The following DNAH2 variants were observed in gnomAD, a reference collection of about 807,000 sequenced individuals.
DNAH2 encodes the protein dynein axonemal heavy chain 2.
Under a neutral mutation model 523.5 loss-of-function variants are expected in DNAH2, and 323 were observed. The ratio of observed to expected loss-of-function variants is 0.62; its 90% CI spans 0.56 to 0.68. DNAH2 has a LOEUF of 0.68. Among genes scored for constraint, DNAH2 ranks in the 30% least tolerant of loss-of-function variants. The pLI, the probability that DNAH2 is intolerant of heterozygous loss-of-function variation, is 0.00. For synonymous variants in DNAH2, 2,093 were observed against 2,177.4 expected (o/e 0.96, Z 1.08); for missense variants, 4,907 against 5,701.5 (o/e 0.86, Z 4.49).
intron 59 of DNAH2, 68 bp from the exon 60 acceptor site, chr17:7,804,890 C>A: frequency 2.2e-6 from 3 of 1,347,618 alleles, no homozygotes; most frequent in Admixed American, 2.1e-5. Flanking sequence ...ATCTTTTCCA[C>A]CAACACCGTC....
chr17:7,764,187 G>T lies in DNAH2; in HGVS notation c.3250G>T (p.Asp1084Tyr). 6.2e-7 allele frequency: 1 copy of T among 1,614,160 alleles called. No homozygotes were observed. Residue 1084 changes from aspartate to tyrosine, a missense_variant, in exon 20 of 86, where the codon GAC becomes TAC. Asp to Tyr is a radical substitution (Grantham distance 160). Around this residue, in one of 3 missense-constraint regions of DNAH2, gnomAD observed 2,806 missense variants for 3,190.8 expected, o/e 0.88. Coordinates refer to ENST00000572933, the MANE Select transcript of DNAH2 (RefSeq NM_020877.5). ...SLQLVDALKH[D>Y]LANVETQIPP... ...GCAGCTCGTGGATGCCCTGAAGCAC[G>T]ACTTGGCCAACGTGGAGACTCAGAT... is the stretch of plus-strand genomic sequence containing the variant.
Position 7,830,784 on chromosome 17 carries a change from C to A in DNAH2, c.12172C>A (p.Leu4058Met), listed in dbSNP as rs773746364. ...HVTDDWDRRL[L>M]TTYINDYFCD... The stretch of plus-strand genomic sequence containing the variant: ...CACAGATGACTGGGACCGGCGCCTG[C>A]TGACCACCTACATCAATGATTATTT... The change falls in exon 79 of 86, where the codon CTG becomes ATG. Residue 4058 changes from leucine (L) to methionine (M), a missense_variant. Physicochemically the swap from Leu to Met is conservative, Grantham distance 15. Around this residue, in one of 3 missense-constraint regions of DNAH2, gnomAD observed 1,851 missense variants for 2,139.4 expected, o/e 0.87. Transcript: ENST00000572933. 1 of 1,614,144 alleles carries A rather than the reference C, an allele frequency of 6.2e-7. No homozygotes were observed. Among genetic ancestry groups the A allele is most frequent in the Non-Finnish European group, 8.5e-7 (1 of 1,180,048 alleles).
chr17:7,794,752 CT>C (rs764592403), intron 49 of DNAH2, among the ~76,000 whole-genome samples: 27,803 of 125,144 alleles, frequency 0.22, 2,321 homozygotes, highest in Non-Finnish European at 0.27. Flanking sequence ...TTAACACTTC[CT>C]TTTTTTTTTT....
In DNAH2 at chr17:7,774,840, G is replaced by A; in HGVS notation, c.4583G>A (p.Arg1528Gln). Residue 1528 changes from arginine to glutamine, a missense_variant, in exon 29 of 86, where the codon CGA becomes CAA. By Grantham distance (43) the Arg-to-Gln change is conservative. This residue lies in a region of DNAH2 where 2,806 missense variants were observed against 3,190.8 expected (regional missense o/e 0.88). Transcript: ENST00000572933. ...KSLDMYLETKRHIFPRFYFLS... is the reference protein window; with the variant it reads ...KSLDMYLETKQHIFPRFYFLS... ...CTGGATATGTATTTAGAGACCAAGCGACATATTTTCCCCCGCTTCTACTTC... is the reference window on the plus strand; with the variant it reads ...CTGGATATGTATTTAGAGACCAAGCAACATATTTTCCCCCGCTTCTACTTC... 1.2e-6 allele frequency: 2 copies of A among 1,614,194 alleles called. No homozygotes were observed. Among genetic ancestry groups the A allele is most frequent in the South Asian group, 1.1e-5 (1 of 91,078 alleles).
intron 48 of DNAH2, among the ~76,000 whole-genome samples, chr17:7,793,463 C>CTTTCT (rs2076964672): frequency 8.3e-6 from 1 of 120,666 alleles, no homozygotes; most frequent in Non-Finnish European, 1.9e-5. Flanking sequence ...TTCTTTCTTT[C>CTTTCT]TTTCTTTCTT....
At chr17:7,767,771 G>A (rs2076209048) in intron 22 of DNAH2, 129 bp from the exon 23 acceptor site, 2 of 1,201,076 alleles carry the variant, frequency 1.7e-6, no homozygotes, top group Admixed American at 2.6e-5. Context: ...AAAAATATGT[G>A]GACTGAGGAG....
rs567233827 is a variant in DNAH2 at position 7,754,939 on chromosome 17, G to A, written c.1905-2152G>A. 125 of 467,730 alleles carry A rather than the reference G, an allele frequency of 2.7e-4. No homozygotes were observed. The highest frequency in any genetic ancestry group is 1.9e-3 in the African/African-American group (98 of 51,080). The allele number at this position is 467,730 out of a possible 1,614,324, so 29.0% of individuals were successfully genotyped here. ...CTGCATGGGGCTGGGGTCCTCCTGC[G>A]CTATTGGTACAAATAAGCCTGAGGC... On this transcript the variant is annotated intron_variant, in intron 12 of 85. Coordinates refer to ENST00000572933, the MANE Select transcript of DNAH2 (RefSeq NM_020877.5). This position sits in a 1 kb window ranked among gnomAD's most constrained non-coding sequence, Gnocchi z 4.6.
At chr17:7,719,013 G>T (rs55905890) in intron 1 of DNAH2, among the ~76,000 whole-genome samples, 2 of 152,096 alleles carry the variant, frequency 1.3e-5, no homozygotes, top group Non-Finnish European at 2.9e-5. Context: ...GAGTGGATGA[G>T]GGTTTGGGCA....
intron 63 of DNAH2, among the ~76,000 whole-genome samples, chr17:7,815,536 A>G (rs1288501308): frequency 6.6e-6 from 1 of 151,954 alleles, no homozygotes; most frequent in African/African-American, 2.4e-5. Context: ...ACACATATAC[A>G]GGATCACACA....
intron 53 of DNAH2, among the ~76,000 whole-genome samples, 156 bp downstream of exon 53, chr17:7,797,985 G>A (rs1420993523): frequency 1.3e-5 from 2 of 152,174 alleles, no homozygotes; most frequent in African/African-American, 4.8e-5. Context: ...GTTTAACAGA[G>A]AAGGTGGAGG....
chr17:7,745,353 G>A (rs75839667), intron 12 of DNAH2, among the ~76,000 whole-genome samples: 6,180 of 152,182 alleles, frequency 0.041, 157 homozygotes, highest in Middle Eastern at 0.095. Flanking sequence ...GTAAAGAAAT[G>A]CTGTGTGTGT....
intron 63 of DNAH2, among the ~76,000 whole-genome samples, chr17:7,815,924 G>A (rs2077653748): frequency 6.6e-6 from 1 of 152,158 alleles, no homozygotes; most frequent in Non-Finnish European, 1.5e-5. Flanking sequence ...TCTCTAGTGT[G>A]GGACCTTGCA....
In DNAH2 at chr17:7,832,485, G is replaced by A; in HGVS notation, c.12727-94G>A. 1.4e-6 allele frequency: 2 copies of A among 1,468,426 alleles called. No homozygotes were observed. The highest frequency in any genetic ancestry group is 1.9e-6 in the Non-Finnish European group (2 of 1,080,210). The allele number at this position is 1,468,426 out of a possible 1,614,324, so 91.0% of individuals were successfully genotyped here. On this transcript the variant is annotated intron_variant, in intron 82 of 85. Transcript: ENST00000572933. This position sits in a 1 kb window ranked among gnomAD's most constrained non-coding sequence, Gnocchi z 4.3. ...GATCGTACCACTGCACTCCAGCCTGGGGGACAAGAGCAAAACTCTGTCTCT... is the reference window on the plus strand; with the variant it reads ...GATCGTACCACTGCACTCCAGCCTGAGGGACAAGAGCAAAACTCTGTCTCT...
intron 24 of DNAH2, among the ~76,000 whole-genome samples, chr17:7,769,372 A>T (rs2076255755): frequency 6.6e-6 from 1 of 152,100 alleles, no homozygotes; most frequent in Admixed American, 6.6e-5. Context: ...ATGTTGCCCA[A>T]GATGGTCTTG....
rs201592016 is a variant in DNAH2 at position 7,727,181 on chromosome 17, G to A, written c.288G>A (p.Gln96=). 1 of 1,607,884 alleles carries A rather than the reference G, an allele frequency of 6.2e-7. No individual in the cohort carries two copies. Among genetic ancestry groups the A allele is most frequent in the African/African-American group, 1.3e-5 (1 of 74,712 alleles). The part of the protein sequence containing the change: ...LTGLADAVWT[Q]EHDAILEHFA... ...GACTGGCGGATGCAGTGTGGACACA[G>A]GAGCATGATGCCATTCTGGAACACT... Residue 96 remains glutamine (Q), a synonymous_variant, in exon 4 of 86, where the codon CAG becomes CAA. Transcript: ENST00000572933.
chr17:7,755,954 A>G (rs2075823490), intron 12 of DNAH2, among the ~76,000 whole-genome samples: 1 of 151,838 alleles, frequency 6.6e-6, no homozygotes, highest in Admixed American at 6.6e-5. Context: ...AAAGAAAAAA[A>G]GGCCAGGAGT....
rs762330540 is a variant in DNAH2, at chr17:7,740,946, C to T, written c.1643C>T (p.Ala548Val). 1.6e-5 allele frequency: 25 copies of T among 1,612,356 alleles called. No homozygotes were observed. In the Admixed American group the frequency reaches 2.7e-4, roughly 17 times the overall value. Residue 548 changes from alanine (A) to valine (V), a missense_variant, in exon 11 of 86, where the codon GCG becomes GTG. Physicochemically the swap from Ala to Val is moderately conservative, Grantham distance 64. Around this residue, in one of 3 missense-constraint regions of DNAH2, gnomAD observed 2,806 missense variants for 3,190.8 expected, o/e 0.88. Transcript: ENST00000572933. ...EPYVAQYSGK[A>V]RWVHILRRRI... ...TACGTGGCCCAGTATTCCGGAAAGG[C>T]GCGCTGGGTGCACATCCTCCGGCGT...
rs2075774771 is a variant in DNAH2, at chr17:7,754,329, A to G, written c.1905-2762A>G. The G allele has an allele frequency of 1.2e-5, 5 of 431,118 alleles. No homozygotes were observed. The Admixed American group carries it at 1.5e-4, about 13-fold the overall frequency. The allele number at this position is 431,118 out of a possible 1,614,324, so 26.7% of individuals were successfully genotyped here. ...GCATCTGAAAGGGAAAGGAAGTTAT[A>G]CTAGAATAGGCAGCCCAGGCTTCCG... is the stretch of plus-strand genomic sequence containing the variant. On this transcript the variant is annotated intron_variant, in intron 12 of 85. Transcript: ENST00000572933. The surrounding 1 kb of genome is among the most constrained non-coding windows in gnomAD (Gnocchi z 4.6).
rs771773961 is a variant in DNAH2, at chr17:7,787,918, G to A, written c.6662G>A (p.Arg2221His). ...ATGGCCTCTCCGGCCACTGTATCCC[G>A]CTGCGGGATGGTCTACACTGACTAC... ...LAMASPATVSRCGMVYTDYAD... is the reference protein window; with the variant it reads ...LAMASPATVSHCGMVYTDYAD... The change falls in exon 43 of 86, where the codon CGC becomes CAC. Residue 2221 changes from arginine (R) to histidine (H), a missense_variant. Physicochemically the swap from Arg to His is conservative, Grantham distance 29. Around this residue, in one of 3 missense-constraint regions of DNAH2, gnomAD observed 2,806 missense variants for 3,190.8 expected, o/e 0.88. Coordinates refer to ENST00000572933, the MANE Select transcript of DNAH2 (RefSeq NM_020877.5). 1.1e-5 allele frequency: 18 copies of A among 1,614,044 alleles called. No homozygotes were observed. The highest frequency in any genetic ancestry group is 1.4e-5 in the Non-Finnish European group (17 of 1,180,034).
Sources: allele counts gnomAD v4.1 joint callset (sites outside exome capture counted in the v4.1 genomes callset), GRCh38; gene constraint gnomAD v4.1.1; regional missense constraint gnomAD v4.1.1; non-coding constraint Gnocchi (gnomAD v3.1); transcripts MANE v1.5; gene names NCBI Gene and HGNC (gene_info 2026-07-23, HGNC 2026-07-21).